The following CLPB variants were observed in gnomAD, a reference collection of about 807,000 sequenced individuals.
CLPB encodes the protein mitochondrial disaggregase.
CLPB carries 40 observed loss-of-function variants against 78.4 expected under a neutral mutation model. The ratio of observed to expected loss-of-function variants is 0.51; its 90% CI spans 0.40 to 0.66. CLPB has a LOEUF of 0.66. CLPB is among the 30% of genes least tolerant of loss of function. The pLI, the probability that CLPB is intolerant of heterozygous loss-of-function variation, is 0.00. For synonymous variants in CLPB, 333 were observed against 348.0 expected, an observed-to-expected ratio of 0.96 and a Z score of 0.48; for missense variants, 780 against 886.9, an observed-to-expected ratio of 0.88 and a Z score of 1.53.
intron 3 of CLPB, among the ~76,000 whole-genome samples, chr11:72,390,800 T>C (rs960646017): frequency 6.6e-6 from 1 of 152,198 alleles, no homozygotes; most frequent in Non-Finnish European, 1.5e-5. Context: ...CAAGCACTTC[T>C]GCTCCTGAGT....
intron 6 of CLPB, among the ~76,000 whole-genome samples, chr11:72,327,655 G>C (rs749756619): frequency 1.4e-4 from 21 of 152,130 alleles, no homozygotes; most frequent in Non-Finnish European, 1.2e-4. Flanking sequence ...AGGTACTCTT[G>C]GCCAAGTCTA....
At chr11:72,332,114 A>G (rs1223466033) in intron 5 of CLPB, among the ~76,000 whole-genome samples, 1 of 152,174 alleles carries the variant, frequency 6.6e-6, no homozygotes, top group Admixed American at 6.5e-5. Context: ...ACAGGAATTT[A>G]GTGCAGAATA....
At chr11:72,386,411 A>G (rs1157486042) in intron 3 of CLPB, among the ~76,000 whole-genome samples, 2 of 152,204 alleles carry the variant, frequency 1.3e-5, no homozygotes, top group African/African-American at 4.8e-5. Flanking sequence ...TACTTATCGT[A>G]ACTATTAAAA....
intron 2 of CLPB, among the ~76,000 whole-genome samples, chr11:72,407,669 T>G (rs1444447143): frequency 6.7e-6 from 1 of 149,904 alleles, no homozygotes; most frequent in African/African-American, 2.5e-5. Flanking sequence ...TTTTTTGAGA[T>G]GGAGTCTCGT....
At chr11:72,331,988 G>C (rs1167882540) in intron 5 of CLPB, among the ~76,000 whole-genome samples, 1 of 152,166 alleles carries the variant, frequency 6.6e-6, no homozygotes, top group Non-Finnish European at 1.5e-5. Context: ...AAGCTCTATA[G>C]CGATGTGGGA....
intron 6 of CLPB, among the ~76,000 whole-genome samples, chr11:72,323,796 T>C (rs763982894): frequency 3.9e-5 from 6 of 152,166 alleles, no homozygotes; most frequent in Non-Finnish European, 2.9e-5. Context: ...ATAACATCTG[T>C]AGATTAGTTA....
At chr11:72,389,950 T>A (rs895906417) in intron 3 of CLPB, among the ~76,000 whole-genome samples, 1 of 152,140 alleles carries the variant, frequency 6.6e-6, no homozygotes, top group Non-Finnish European at 1.5e-5. Flanking sequence ...TGGCCTCTCA[T>A]GGTAGTACAA....
rs1949378643 is a variant in CLPB, at chr11:72,285,693, C to T, written c.*7674G>A. Reference sequence around the variant, plus strand: ...ATACATTAATATGGTTCAAAGCTTACTAAAAAGTATTTAAAATAACATAGC... The same window carrying T: ...ATACATTAATATGGTTCAAAGCTTATTAAAAAGTATTTAAAATAACATAGC... On this transcript the variant is annotated 3_prime_UTR_variant, in exon 16 of 16. Transcript: ENST00000538039. 6.6e-6 allele frequency: 1 copy of T among 152,084 alleles called. No individual in the cohort carries two copies. Among genetic ancestry groups the T allele is most frequent in the Admixed American group, 6.6e-5 (1 of 15,264 alleles). The allele number at this position is 152,084 out of a possible 1,614,324, so 9.4% of individuals were successfully genotyped here.
At chr11:72,401,704 AG>A (rs1855566384) in intron 3 of CLPB, among the ~76,000 whole-genome samples, 1 of 152,246 alleles carries the variant, frequency 6.6e-6, no homozygotes, top group Non-Finnish European at 1.5e-5. Flanking sequence ...ACCTACTTGC[AG>A]AAAGAACTGA....
At chr11:72,410,305 C>T (rs1478609098) in intron 2 of CLPB, among the ~76,000 whole-genome samples, 1 of 152,112 alleles carries the variant, frequency 6.6e-6, no homozygotes, top group Admixed American at 6.6e-5. Flanking sequence ...AATGACTTAG[C>T]CTCTCTGAAT....
At chr11:72,304,716 A>C (rs1161072561) in intron 9 of CLPB, among the ~76,000 whole-genome samples, 49 of 152,248 alleles carry the variant, frequency 3.2e-4, no homozygotes, top group Admixed American at 3.2e-3. Context: ...TTTACAAATG[A>C]AGAAACTAGG....
At chr11:72,430,734 C>T (rs1411612595) in intron 1 of CLPB, among the ~76,000 whole-genome samples, 1 of 152,128 alleles carries the variant, frequency 6.6e-6, no homozygotes, top group Non-Finnish European at 1.5e-5. Flanking sequence ...TGATCTTGTC[C>T]ACTTTCTCCC....
intron 6 of CLPB, among the ~76,000 whole-genome samples, chr11:72,318,847 A>G (rs867366451): frequency 6.6e-6 from 1 of 152,160 alleles, no homozygotes; most frequent in South Asian, 2.1e-4. Flanking sequence ...CAGGCGCCAC[A>G]TACATCACTT....
intron 4 of CLPB, among the ~76,000 whole-genome samples, chr11:72,367,963 T>C (rs1468778166): frequency 2.6e-5 from 4 of 152,168 alleles, no homozygotes; most frequent in Non-Finnish European, 4.4e-5. Flanking sequence ...TAAAACTTAA[T>C]AAAGCTGTTA....
chr11:72,311,308 G>A lies in CLPB; in HGVS notation c.989-2704C>T, dbSNP rs551718688. Among the ~76,000 whole-genome samples, 12 of 152,210 alleles carry A rather than the reference G, an allele frequency of 7.9e-5. No individual in the cohort carries two copies. In the East Asian group the frequency reaches 2.1e-3, roughly 27 times the overall value. Reference sequence around the variant, plus strand: ...ACCTGCATGGGCCCACGTGGGAGGTGGCCATAGTTGTTGTTGCTCTCACTG... The same window carrying A: ...ACCTGCATGGGCCCACGTGGGAGGTAGCCATAGTTGTTGTTGCTCTCACTG... On this transcript the variant is annotated intron_variant, in intron 7 of 15. Transcript: ENST00000538039.
intron 2 of CLPB, among the ~76,000 whole-genome samples, chr11:72,415,739 C>T (rs1856002995): frequency 6.6e-6 from 1 of 152,160 alleles, no homozygotes; most frequent in Non-Finnish European, 1.5e-5. Flanking sequence ...CGATTACAAG[C>T]TTAACAGAAC....
chr11:72,422,555 C>T (rs1482508373), intron 2 of CLPB, among the ~76,000 whole-genome samples: 1 of 152,184 alleles, frequency 6.6e-6, no homozygotes, highest in Non-Finnish European at 1.5e-5. Flanking sequence ...CAGAAGCTCT[C>T]ACTATAAGTA....
At chr11:72,410,502 T>A (rs1047434283) in intron 2 of CLPB, among the ~76,000 whole-genome samples, 1 of 152,214 alleles carries the variant, frequency 6.6e-6, no homozygotes, top group Non-Finnish European at 1.5e-5. Context: ...CAAAATAGCA[T>A]AAGAAGAGCT....
At chr11:72,412,546 G>A (rs184054405) in intron 2 of CLPB, among the ~76,000 whole-genome samples, 13 of 152,246 alleles carry the variant, frequency 8.5e-5, no homozygotes, top group Middle Eastern at 6.8e-3. Flanking sequence ...CTCAGAAAGC[G>A]TCCCCTTTGG....
Sources: gnomAD v4.1 joint callset for allele counts (sites outside exome capture counted in the v4.1 genomes callset) on GRCh38, gnomAD v4.1.1 for gene constraint, MANE v1.5 for transcripts, NCBI Gene and HGNC (gene_info 2026-07-23, HGNC 2026-07-21) for gene names.